Variants in C1orf105 observed in about 807,000 individuals in gnomAD.
The protein encoded by C1orf105 is uncharacterized protein C1orf105.
C1orf105 carries 17 observed loss-of-function variants against 20.8 expected under a neutral mutation model. The ratio of observed to expected loss-of-function variants is 0.82; its 90% CI spans 0.56 to 1.23. The LOEUF is 1.23. Ranked by LOEUF, C1orf105 falls within the 50% of genes most tolerant of loss-of-function variation. The pLI, the probability that C1orf105 is intolerant of heterozygous loss-of-function variation, is 0.00. For synonymous variants in C1orf105, 72 were observed against 72.1 expected (o/e 1.00, Z 0.01); for missense variants, 219 against 213.5 (o/e 1.03, Z -0.16).
intron 1 of C1orf105, among the ~76,000 whole-genome samples, chr1:172,439,111 C>G (rs1394692794): frequency 1.3e-5 from 2 of 152,118 alleles, no homozygotes; most frequent in African/African-American, 4.8e-5. Context: ...TGGTCTGGAA[C>G]CGAACCTCAG....
In C1orf105 at chr1:172,452,169, C is replaced by T. The variant is rs562796266; in HGVS notation, c.198+3638C>T. Reference sequence around the variant, plus strand: ...TACAAGTATGAGCCACCATGCCTGGCCTTTATATGGATTCTAAGAGTTTAC... The same window carrying T: ...TACAAGTATGAGCCACCATGCCTGGTCTTTATATGGATTCTAAGAGTTTAC... On this transcript the variant is annotated intron_variant, in intron 3 of 6. Transcript: ENST00000367727. Among the ~76,000 whole-genome samples the T allele has an allele frequency of 2.0e-5, 3 of 152,224 alleles. No homozygotes were observed. The East Asian group carries it at 5.8e-4, about 29-fold the overall frequency.
intron 2 of C1orf105, among the ~76,000 whole-genome samples, chr1:172,445,486 AATTTTCACATTTTTACC>A (rs1647885454): frequency 6.6e-6 from 1 of 152,130 alleles, no homozygotes; most frequent in South Asian, 2.1e-4. Context: ...TGTAGTCTGA[AATTTTCACATTTTTACC>A]ATCAAAAGTC....
At chr1:172,466,669 C>T (rs925007825) in intron 6 of C1orf105, among the ~76,000 whole-genome samples, 2 of 151,810 alleles carry the variant, frequency 1.3e-5, no homozygotes, top group Admixed American at 6.6e-5. Context: ...ATTTTTTGGT[C>T]CTAGAGAACA....
At chr1:172,437,728 T>TATAATAATAATAATAATA (rs71111014) in intron 1 of C1orf105, among the ~76,000 whole-genome samples, 12 of 144,036 alleles carry the variant, frequency 8.3e-5, no homozygotes, top group Admixed American at 2.8e-4. Context: ...GAACTTAAAG[T>TATAATAATAATAATAATA]ATAATAATAA....
chr1:172,447,358 A>T (rs1314700136), intron 2 of C1orf105, among the ~76,000 whole-genome samples: 1 of 152,228 alleles, frequency 6.6e-6, no homozygotes, highest in East Asian at 1.9e-4. Flanking sequence ...AAGTGCCTGT[A>T]CTGACCCACT....
chr1:172,454,913 G>A (rs1486882636), intron 3 of C1orf105, among the ~76,000 whole-genome samples: 1 of 152,164 alleles, frequency 6.6e-6, no homozygotes, highest in Non-Finnish European at 1.5e-5. Context: ...AGTACCTAAT[G>A]AATGGGTAAA....
chr1:172,458,689 C>T (rs1000358641), intron 4 of C1orf105, among the ~76,000 whole-genome samples: 1 of 152,104 alleles, frequency 6.6e-6, no homozygotes, highest in African/African-American at 2.4e-5. Flanking sequence ...TAGAAATTTG[C>T]AATCATATCT....
At chr1:172,448,648 A>T in intron 3 of C1orf105, 117 bp downstream of exon 3, 2 of 616,666 alleles carry the variant, frequency 3.2e-6, no homozygotes, top group Non-Finnish European at 2.9e-6. Flanking sequence ...TCAATGTTCA[A>T]TAAATATTTG....
At position 172,465,358 on chromosome 1, in the gene C1orf105, C is replaced by A; in HGVS notation, c.401C>A (p.Pro134Gln). 1 of 1,609,168 alleles carries A rather than the reference C, an allele frequency of 6.2e-7. No homozygotes were observed. The highest frequency in any genetic ancestry group is 1.1e-5 in the South Asian group (1 of 90,974). ...CCTGAGCCTTTCCATGATGACATCC[C>A]AACAGGTTTGCTTTCTTTTAGAGTA... ...TTPEPFHDDIPTESIHYRLPI... is the reference protein window; with the variant it reads ...TTPEPFHDDIQTESIHYRLPI... Residue 134 changes from proline (P) to glutamine (Q), a missense_variant, in exon 6 of 7, where the codon CCA becomes CAA. Coordinates refer to ENST00000367727, the MANE Select transcript of C1orf105 (RefSeq NM_139240.4).
At chr1:172,429,775 G>A (rs1275764142) in intron 1 of C1orf105, among the ~76,000 whole-genome samples, 1 of 151,162 alleles carries the variant, frequency 6.6e-6, no homozygotes, top group Admixed American at 6.6e-5. Flanking sequence ...AGATGCACAA[G>A]CCTTCTAGTT....
At chr1:172,465,415 C>A in intron 6 of C1orf105, 52 bp downstream of exon 6, 2 of 1,294,088 alleles carry the variant, frequency 1.5e-6, no homozygotes, top group Non-Finnish European at 2.2e-6. Flanking sequence ...GAAAAAAATG[C>A]CATAGAATGA....
At chr1:172,435,589 C>T (rs547171027) in intron 1 of C1orf105, among the ~76,000 whole-genome samples, 6 of 152,226 alleles carry the variant, frequency 3.9e-5, no homozygotes, top group South Asian at 2.1e-4. Context: ...ATTGATGGAA[C>T]GTATCTCAAA....
chr1:172,452,156 C>G (rs1266815440), intron 3 of C1orf105, among the ~76,000 whole-genome samples: 1 of 152,128 alleles, frequency 6.6e-6, no homozygotes, highest in Non-Finnish European at 1.5e-5. Context: ...CAAGTATGAG[C>G]CACCATGCCT....
rs761746862 is a variant in C1orf105, at chr1:172,442,532, G to A, written c.22-2541G>A. ...TTCCGGAGCTCTTCCAGGAATCGCC[G>A]GTCCACATAGTTATCAGGAAAGGGC... is the stretch of plus-strand genomic sequence containing the variant. On this transcript the variant is annotated intron_variant, in intron 1 of 6. Transcript: ENST00000367727. 43 of 1,613,956 alleles carry A rather than the reference G, an allele frequency of 2.7e-5. No homozygotes were observed. Among genetic ancestry groups the A allele is most frequent in the African/African-American group, 2.3e-4 (17 of 74,894 alleles).
intron 1 of C1orf105, chr1:172,441,498 T>C (rs140753224): frequency 7.6e-6 from 3 of 394,502 alleles, no homozygotes; most frequent in African/African-American, 6.2e-5. Flanking sequence ...TCACTTCATA[T>C]GTTACAGCAT....
chr1:172,444,501 C>T (rs1026175593), intron 1 of C1orf105, among the ~76,000 whole-genome samples: 1 of 152,212 alleles, frequency 6.6e-6, no homozygotes, highest in African/African-American at 2.4e-5. Context: ...AATTGCTGCT[C>T]TCATGAAACT....
intron 1 of C1orf105, among the ~76,000 whole-genome samples, chr1:172,432,182 G>C (rs1269739257): frequency 6.6e-6 from 1 of 152,224 alleles, no homozygotes; most frequent in Non-Finnish European, 1.5e-5. Context: ...ACAAAAGTGA[G>C]CAGACAACTT....
At chr1:172,464,804 C>T (rs6700880) in intron 5 of C1orf105, among the ~76,000 whole-genome samples, 132,505 of 152,184 alleles carry the variant, frequency 0.87, 57,904 homozygotes, top group East Asian at 1. Flanking sequence ...ATTAGTAGTC[C>T]TTGGATCAAT....
At chr1:172,465,873 C>A (rs887570068) in intron 6 of C1orf105, among the ~76,000 whole-genome samples, 5 of 152,196 alleles carry the variant, frequency 3.3e-5, no homozygotes, top group African/African-American at 1.2e-4. Context: ...TTTCAGGCTT[C>A]AGCATTGACC....
Sources: gnomAD v4.1 joint callset for allele counts (sites outside exome capture counted in the v4.1 genomes callset) on GRCh38, gnomAD v4.1.1 for gene constraint, MANE v1.5 for transcripts, NCBI Gene and HGNC (gene_info 2026-07-23, HGNC 2026-07-21) for gene names.